The following PUS10 variants were observed in gnomAD, a reference collection of about 807,000 sequenced individuals.
PUS10 encodes tRNA pseudouridine synthase Pus10.
A neutral mutation model predicts 75.0 loss-of-function variants in PUS10; 59 were observed. The observed-to-expected ratio is 0.79, with a 90% CI of 0.64 to 0.98. The LOEUF is 0.98. Ranked by LOEUF, PUS10 falls within the 50% of genes least tolerant of loss-of-function variation. The pLI is 0.00. For synonymous variants in PUS10, 219 were observed against 211.6 expected, an observed-to-expected ratio of 1.03 and a Z score of -0.30; for missense variants, 650 against 614.4, an observed-to-expected ratio of 1.06 and a Z score of -0.61.
At chr2:60,949,655 T>C (rs1314031023) in intron 15 of PUS10, among the ~76,000 whole-genome samples, 3 of 152,190 alleles carry the variant, frequency 2.0e-5, no homozygotes, top group East Asian at 1.9e-4. Flanking sequence ...ATTTAGTCAG[T>C]TTTTATAATT....
At chr2:60,967,680 T>A in intron 5 of PUS10, 67 bp from the exon 6 acceptor site, 1 of 1,049,880 alleles carries the variant, frequency 9.5e-7, no homozygotes, top group Non-Finnish European at 1.4e-6. Flanking sequence ...GGCAAGAATT[T>A]ATGCAATTAT....
chr2:60,958,876 ACT>A (rs1675838693), intron 11 of PUS10, among the ~76,000 whole-genome samples: 1 of 151,472 alleles, frequency 6.6e-6, no homozygotes, highest in Non-Finnish European at 1.5e-5. Flanking sequence ...ACAAAGTAAG[ACT>A]CTGTCTCAAA....
Position 60,960,461 on chromosome 2 carries a change from C to T in PUS10, c.931G>A (p.Glu311Lys). The change falls in exon 11 of 18, where the codon GAA becomes AAA. Residue 311 changes from glutamate (E) to lysine (K), a missense_variant. Coordinates refer to ENST00000316752, the MANE Select transcript of PUS10 (RefSeq NM_144709.4). The part of the protein sequence containing the change: ...LPQTPWIIDG[E>K]RKLESSVEEL... ...TCCACTGAAGATTCCAGCTTCCTTT[C>T]TCCATCAATTATCCAAGGAGTTTGT... The T allele has an allele frequency of 3.2e-6, 5 of 1,574,692 alleles. No homozygotes were observed. Among genetic ancestry groups the T allele is most frequent in the Non-Finnish European group, 3.4e-6 (4 of 1,165,464 alleles).
At chr2:60,944,127 CAAAA>C in intron 17 of PUS10, 4 of 557,810 alleles carry the variant, frequency 7.2e-6, no homozygotes, top group Non-Finnish European at 8.9e-6. Context: ...GACCCTGTCT[CAAAA>C]AAAAAAAAAG....
chr2:60,975,152 T>A (rs1676954159), intron 4 of PUS10, among the ~76,000 whole-genome samples: 1 of 152,170 alleles, frequency 6.6e-6, no homozygotes, highest in Admixed American at 6.5e-5. Context: ...TGGTTCTGTT[T>A]GTTTGTTTGT....
intron 8 of PUS10, 66 bp from the exon 9 acceptor site, chr2:60,962,956 A>G: frequency 6.7e-7 from 1 of 1,485,856 alleles, no homozygotes; most frequent in Non-Finnish European, 8.9e-7. Flanking sequence ...CAGACGTGAA[A>G]CACAGAACAT....
intron 11 of PUS10, among the ~76,000 whole-genome samples, chr2:60,955,494 T>C (rs1197605339): frequency 6.6e-6 from 1 of 152,072 alleles, no homozygotes; most frequent in Non-Finnish European, 1.5e-5. Flanking sequence ...CACACCTGGC[T>C]AATTTTTAAA....
At position 60,953,119 on chromosome 2, in the gene PUS10, AC is replaced by A; in HGVS notation, c.1191-6del. 6.8e-7 allele frequency: 1 copy of A among 1,469,996 alleles called. No individual in the cohort carries two copies. The highest frequency in any genetic ancestry group is 9.4e-7 in the Non-Finnish European group (1 of 1,062,244). 91.1% of individuals were successfully genotyped at this position (1,469,996 alleles called of 1,614,324 possible). The stretch of plus-strand genomic sequence containing the variant: ...TTCATATGTCCTATTGCCTCTCTAA[AC>A]AAAAACAATTTTTAGAAGTTTGTCC... On this transcript the variant is annotated splice_region_variant and splice_polypyrimidine_tract_variant and intron_variant, in intron 14 of 17. Transcript: ENST00000316752.
intron 3 of PUS10, among the ~76,000 whole-genome samples, chr2:61,008,517 G>C (rs1459758323): frequency 6.6e-6 from 1 of 152,026 alleles, no homozygotes; most frequent in African/African-American, 2.4e-5. Context: ...AAATTAGGTG[G>C]GCATGGTGGT....
chr2:60,948,138 C>A lies in PUS10; in HGVS notation c.1356G>T (p.Arg452Ser). 3 of 1,614,120 alleles carry A rather than the reference C, an allele frequency of 1.9e-6. No individual in the cohort carries two copies. Among genetic ancestry groups the A allele is most frequent in the Non-Finnish European group, 2.5e-6 (3 of 1,180,014 alleles). The change falls in exon 16 of 18, where the codon AGG (arginine) becomes AGT (serine). Residue 452 changes from arginine (R) to serine (S), a missense_variant. Arg to Ser is a moderately radical substitution (Grantham distance 110, BLOSUM62 -1). Transcript: ENST00000316752. ...TGACGCGAGCTCGCACAGCCAGGGG[C>A]CTTCGGTGAAGGACGCGCAAAGGTG... is the stretch of plus-strand genomic sequence containing the variant. ...QKTPLRVLHR[R>S]PLAVRARVIH...
chr2:60,969,364 A>G (rs1278707866), intron 5 of PUS10, among the ~76,000 whole-genome samples: 2 of 152,242 alleles, frequency 1.3e-5, no homozygotes, highest in Non-Finnish European at 2.9e-5. Flanking sequence ...GCAGCTAATA[A>G]GTTTCCTAAT....
chr2:60,942,770 C>T (rs1196880872), intron 17 of PUS10, among the ~76,000 whole-genome samples: 2 of 151,858 alleles, frequency 1.3e-5, no homozygotes, highest in Admixed American at 6.6e-5. Context: ...TTTGGGAGGC[C>T]GATCAATTAT....
chr2:61,006,530 C>T (rs1212762750), intron 4 of PUS10, 27 bp downstream of exon 4: 4 of 1,476,498 alleles, frequency 2.7e-6, no homozygotes, highest in South Asian at 1.2e-5. Context: ...ACTTCACATA[C>T]AGTTTTATGC....
At chr2:60,956,974 CAAAAAAAAAAA>C (rs56804354) in intron 11 of PUS10, among the ~76,000 whole-genome samples, 38 of 19,256 alleles carry the variant, frequency 2.0e-3, no homozygotes, top group South Asian at 7.1e-3. Flanking sequence ...GACTCCATCT[CAAAAAAAAAAA>C]AAAAAAAAAA....
At chr2:60,960,351 A>AG (rs774277623) in intron 11 of PUS10, 41 bp downstream of exon 11, 71 of 1,458,914 alleles carry the variant, frequency 4.9e-5, no homozygotes, top group Non-Finnish European at 5.3e-5. Flanking sequence ...CTCAAAAAAA[A>AG]AAAAAAAAAG....
intron 4 of PUS10, among the ~76,000 whole-genome samples, chr2:60,988,083 C>T (rs1219581518): frequency 3.3e-5 from 5 of 151,534 alleles, no homozygotes; most frequent in Non-Finnish European, 7.4e-5. Context: ...AGCAAGACTC[C>T]GTCTAAAATA....
At chr2:60,999,881 T>C (rs1250349220) in intron 4 of PUS10, among the ~76,000 whole-genome samples, 4 of 152,204 alleles carry the variant, frequency 2.6e-5, no homozygotes, top group African/African-American at 4.8e-5. Flanking sequence ...CCAAATAATG[T>C]AGCATAACAA....
intron 5 of PUS10, among the ~76,000 whole-genome samples, chr2:60,971,274 A>G (rs1323882151): frequency 6.6e-6 from 1 of 152,126 alleles, no homozygotes; most frequent in African/African-American, 2.4e-5. Context: ...TAAAACATGT[A>G]TTTACATTCA....
In PUS10 at chr2:60,965,483, C is replaced by A; in HGVS notation, c.617G>T (p.Ser206Ile). 6.3e-7 allele frequency: 1 copy of A among 1,599,256 alleles called. No homozygotes were observed. Reference sequence around the variant, plus strand: ...AAAGACCACACTCACTTCAAACAAGCTCTAAAAATTATAAAGACAGTTTAA... The same window carrying A: ...AAAGACCACACTCACTTCAAACAAGATCTAAAAATTATAAAGACAGTTTAA... ...EELGVPIDGK[S>I]LFEVSVVFAH... The change falls in exon 7 of 18, where the codon AGC (serine) becomes ATC (isoleucine). Residue 206 changes from serine (S) to isoleucine (I), a missense_variant and splice_region_variant. Coordinates refer to ENST00000316752, the MANE Select transcript of PUS10 (RefSeq NM_144709.4).
Sources: allele counts gnomAD v4.1 joint callset (sites outside exome capture counted in the v4.1 genomes callset), GRCh38; gene constraint gnomAD v4.1.1; transcripts MANE v1.5; gene names NCBI Gene and HGNC (gene_info 2026-07-23, HGNC 2026-07-21).